Variants in LIN54 observed in about 807,000 individuals in gnomAD.
LIN54 encodes the protein protein lin-54 homolog.
LIN54 carries 9 observed loss-of-function variants against 78.7 expected under a neutral mutation model. That is an observed-to-expected ratio of 0.11 (90% CI 0.07 to 0.20). LIN54 has a LOEUF of 0.20. LIN54 is among the 10% of genes least tolerant of loss of function. The probability of loss-of-function intolerance (pLI) is 1.00; values close to 1 mark genes in which losing one functional copy is unlikely to be tolerated. For missense variants in LIN54, 573 were observed against 889.9 expected (o/e 0.64, Z 4.53); for synonymous variants, 269 against 318.4 (o/e 0.84, Z 1.65).
chr4:82,994,776 T>C (rs959372112), intron 1 of LIN54, among the ~76,000 whole-genome samples: 2 of 152,044 alleles, frequency 1.3e-5, no homozygotes, highest in African/African-American at 2.4e-5. Flanking sequence ...GATAGAGTTA[T>C]TCAGATCTTT....
chr4:82,980,719 A>G (rs1726565853), intron 2 of LIN54, among the ~76,000 whole-genome samples: 1 of 152,158 alleles, frequency 6.6e-6, no homozygotes. Flanking sequence ...AAAACCCTAA[A>G]GTCAGTCAAA....
chr4:82,928,391 G>A, intron 12 of LIN54, 88 bp from the exon 13 acceptor site: 1 of 1,013,110 alleles, frequency 9.9e-7, no homozygotes, highest in Admixed American at 1.9e-5. Context: ...AATCTCTACT[G>A]ACACTTTCAC....
At chr4:82,970,233 G>T in intron 4 of LIN54, 94 bp downstream of exon 4, 2 of 1,138,520 alleles carry the variant, frequency 1.8e-6, no homozygotes, top group Non-Finnish European at 2.5e-6. Flanking sequence ...ACTTGCTTGG[G>T]AATGTACTAA....
intron 1 of LIN54, among the ~76,000 whole-genome samples, chr4:83,003,986 G>T (rs1369873784): frequency 1.3e-5 from 2 of 151,988 alleles, no homozygotes; most frequent in African/African-American, 4.8e-5. Flanking sequence ...TAAAATAAAT[G>T]ACATATTTAT....
intron 4 of LIN54, among the ~76,000 whole-genome samples, chr4:82,954,816 GC>G (rs1724152981): frequency 6.6e-6 from 1 of 152,014 alleles, no homozygotes; most frequent in African/African-American, 2.4e-5. Flanking sequence ...AGGTCCACAT[GC>G]AAAAAAAGGA....
At chr4:83,011,107 ACT>A (rs565501992), upstream of LIN54, among the ~76,000 whole-genome samples, 356 of 151,988 alleles carry the variant, frequency 2.3e-3, no homozygotes, top group Non-Finnish European at 4.0e-3. Flanking sequence ...AAGAACCCAA[ACT>A]CTTTCATTTT....
At chr4:82,962,676 TAA>T (rs546542772) in intron 4 of LIN54, among the ~76,000 whole-genome samples, 1 of 147,772 alleles carries the variant, frequency 6.8e-6, no homozygotes, top group Non-Finnish European at 1.5e-5. Context: ...TGCTAGAAAT[TAA>T]AAAAAAAATC....
chr4:83,009,728 C>A (rs956573136), intron 1 of LIN54, among the ~76,000 whole-genome samples: 1 of 152,180 alleles, frequency 6.6e-6, no homozygotes, highest in Non-Finnish European at 1.5e-5. Context: ...AATGTACTCA[C>A]AACAAATGCT....
chr4:82,983,576 A>G (rs906916975), intron 2 of LIN54, among the ~76,000 whole-genome samples: 2 of 152,228 alleles, frequency 1.3e-5, no homozygotes, highest in African/African-American at 4.8e-5. Flanking sequence ...GTAGGATAAG[A>G]TAGAGGCAAC....
chr4:82,996,700 A>G (rs1728258442), intron 1 of LIN54, among the ~76,000 whole-genome samples: 4 of 151,944 alleles, frequency 2.6e-5, no homozygotes, highest in Admixed American at 2.6e-4. Context: ...CACCACACCC[A>G]GCCTCTTCCA....
At chr4:83,008,022 C>G (rs965703075) in intron 1 of LIN54, among the ~76,000 whole-genome samples, 3 of 152,078 alleles carry the variant, frequency 2.0e-5, no homozygotes, top group Admixed American at 2.0e-4. Context: ...CTCCTGTAAC[C>G]AATTGTGTCT....
At position 82,984,808 on chromosome 4, in the gene LIN54, G is replaced by A; in HGVS notation, c.37C>T (p.Pro13Ser). Residue 13 changes from proline (P) to serine (S), a missense_variant, in exon 2 of 13, where the codon CCA (proline) becomes TCA (serine). By Grantham distance (74) the Pro-to-Ser change is moderately conservative. Around this residue, in one of 6 missense-constraint regions of LIN54, gnomAD observed 183 missense variants for 228.4 expected, o/e 0.80. Coordinates refer to ENST00000340417, the MANE Select transcript of LIN54 (RefSeq NM_194282.4). The part of the protein sequence containing the change: ...VVPAEVNSLL[P>S]EEIMDTGITL... ...ATACCAGTGTCCATTATTTCCTCTG[G>A]AAGCAAACTATTCACCTCAGCTGGC... 2 of 1,613,276 alleles carry A rather than the reference G, an allele frequency of 1.2e-6. No homozygotes were observed. Among genetic ancestry groups the A allele is most frequent in the Non-Finnish European group, 1.7e-6 (2 of 1,179,878 alleles).
At chr4:82,968,673 T>C (rs1266662669) in intron 4 of LIN54, among the ~76,000 whole-genome samples, 2 of 152,114 alleles carry the variant, frequency 1.3e-5, no homozygotes, top group East Asian at 1.9e-4. Flanking sequence ...TGGGGTCAGG[T>C]AGGGGCCTGC....
At chr4:82,947,504 T>C (rs1252012494) in intron 4 of LIN54, among the ~76,000 whole-genome samples, 2 of 151,002 alleles carry the variant, frequency 1.3e-5, no homozygotes, top group Admixed American at 1.3e-4. Flanking sequence ...GCAATCCTCC[T>C]ACCTCAGCTT....
intron 1 of LIN54, among the ~76,000 whole-genome samples, chr4:82,986,270 C>T (rs957176953): frequency 6.6e-6 from 1 of 152,024 alleles, no homozygotes; most frequent in South Asian, 2.1e-4. Context: ...CATGTGCCAC[C>T]ACGCCCAGCT....
chr4:82,977,793 C>G (rs1471439622), intron 3 of LIN54, among the ~76,000 whole-genome samples: 1 of 152,110 alleles, frequency 6.6e-6, no homozygotes, highest in Non-Finnish European at 1.5e-5. Flanking sequence ...TCATATAAGC[C>G]TTTAGCACAG....
chr4:83,007,009 G>A (rs368385206), intron 1 of LIN54, among the ~76,000 whole-genome samples: 2 of 151,670 alleles, frequency 1.3e-5, no homozygotes, highest in African/African-American at 4.8e-5. Flanking sequence ...GCATGGTGGC[G>A]GGCACCTGTA....
chr4:82,937,497 T>C (rs187184538), intron 8 of LIN54, among the ~76,000 whole-genome samples, 199 bp from the exon 9 acceptor site: 2 of 152,362 alleles, frequency 1.3e-5, no homozygotes, highest in Non-Finnish European at 2.9e-5. Flanking sequence ...AAAAGTTTGC[T>C]ACGTTGTTCT....
chr4:82,939,530 T>C lies in LIN54; in HGVS notation c.1440+9A>G, dbSNP rs1722661373. The C allele has an allele frequency of 6.2e-7, 1 of 1,611,324 alleles. No homozygotes were observed. Among genetic ancestry groups the C allele is most frequent in the Non-Finnish European group, 8.5e-7 (1 of 1,177,370 alleles). Reference sequence around the variant, plus strand: ...TTTGCAATACAATGACTTCATTTTTTCCACATACCTGAGTAACATACTGAG... The same window carrying C: ...TTTGCAATACAATGACTTCATTTTTCCCACATACCTGAGTAACATACTGAG... On this transcript the variant is annotated intron_variant, in intron 7 of 12. Coordinates refer to ENST00000340417, the MANE Select transcript of LIN54 (RefSeq NM_194282.4).
Sources: gnomAD v4.1 joint callset for allele counts (sites outside exome capture counted in the v4.1 genomes callset) on GRCh38, gnomAD v4.1.1 for gene constraint, gnomAD v4.1.1 regional missense constraint, MANE v1.5 for transcripts, NCBI Gene and HGNC (gene_info 2026-07-23, HGNC 2026-07-21) for gene names.